ENOX1: variants seen among roughly 807,000 people sequenced by gnomAD.
The protein encoded by ENOX1 is ecto-NOX disulfide-thiol exchanger 1, also known as candidate growth-related and time keeping constitutive hydroquinone (NADH) oxidase.
Under a neutral mutation model 82.5 loss-of-function variants are expected in ENOX1, and 42 were observed. The ratio of observed to expected loss-of-function variants is 0.51; its 90% CI spans 0.40 to 0.66. The LOEUF (loss-of-function observed/expected upper bound fraction) is 0.66. Ranked by LOEUF, ENOX1 falls within the 30% of genes least tolerant of loss-of-function variation. The probability of loss-of-function intolerance (pLI) is 0.00; values close to 1 mark genes in which losing one functional copy is unlikely to be tolerated. For synonymous variants in ENOX1, 271 were observed against 282.2 expected (o/e 0.96, Z 0.40); for missense variants, 608 against 811.6 (o/e 0.75, Z 3.05).
intron 2 of ENOX1, among the ~76,000 whole-genome samples, chr13:43,517,699 G>A (rs1406923033): frequency 1.3e-5 from 2 of 152,120 alleles, no homozygotes; most frequent in African/African-American, 4.8e-5. Context: ...CTGAATGTGT[G>A]TGTCTCCCCA....
rs376767278 is a variant in ENOX1 at position 43,715,719 on chromosome 13, G to A, written c.-284-48175C>T. Among the ~76,000 whole-genome samples the A allele has an allele frequency of 4.6e-5, 7 of 151,824 alleles. 1 individual carries two copies. The South Asian group carries it at 8.3e-4, about 18-fold the overall frequency. On this transcript the variant is annotated intron_variant, in intron 1 of 16. Coordinates refer to ENST00000690772, the MANE Select transcript of ENOX1 (RefSeq NM_001347969.2). ...TTTCTGGCTTCATTTCATTCATTTC[G>A]TCTTCCATCACTGATACCCTTTCTT...
At chr13:43,495,423 T>C (rs922930926) in intron 2 of ENOX1, among the ~76,000 whole-genome samples, 3 of 152,154 alleles carry the variant, frequency 2.0e-5, no homozygotes, top group Non-Finnish European at 2.9e-5. Context: ...GTATACCAGA[T>C]AGCATATGTT....
intron 2 of ENOX1, among the ~76,000 whole-genome samples, chr13:43,618,912 T>G (rs1277606162): frequency 6.6e-6 from 1 of 152,264 alleles, no homozygotes; most frequent in Non-Finnish European, 1.5e-5. Context: ...TATTATTTCT[T>G]TCAGCCATGT....
At chr13:43,605,041 A>C (rs2153733866) in intron 2 of ENOX1, among the ~76,000 whole-genome samples, 1 of 152,300 alleles carries the variant, frequency 6.6e-6, no homozygotes, top group South Asian at 2.1e-4. Context: ...AATCCACAGA[A>C]ATTGTGTATT....
At chr13:43,219,436 G>A (rs752473258) in intron 16 of ENOX1, among the ~76,000 whole-genome samples, 2 of 152,104 alleles carry the variant, frequency 1.3e-5, no homozygotes, top group Non-Finnish European at 2.9e-5. Flanking sequence ...CTGAAGTTTT[G>A]ATTACCCTCT....
At chr13:43,404,369 G>A (rs972937785) in intron 5 of ENOX1, among the ~76,000 whole-genome samples, 2 of 152,112 alleles carry the variant, frequency 1.3e-5, no homozygotes, top group Non-Finnish European at 2.9e-5. Flanking sequence ...CTTTGAAGAG[G>A]ATAAGCTCCT....
At chr13:43,410,957 A>G (rs1269206036) in intron 5 of ENOX1, among the ~76,000 whole-genome samples, 1 of 152,174 alleles carries the variant, frequency 6.6e-6, no homozygotes, top group Admixed American at 6.5e-5. Flanking sequence ...TTACTGCGGG[A>G]GCCCCTGCAC....
At chr13:43,384,892 A>C (rs2052307615) in intron 5 of ENOX1, among the ~76,000 whole-genome samples, 1 of 152,190 alleles carries the variant, frequency 6.6e-6, no homozygotes, top group Non-Finnish European at 1.5e-5. Flanking sequence ...AAGGATGATC[A>C]GTTGTTTCCT....
chr13:43,780,278 GTA>G, intron 1 of ENOX1, among the ~76,000 whole-genome samples: 1 of 149,998 alleles, frequency 6.7e-6, no homozygotes, highest in East Asian at 2.0e-4. Context: ...GAAATACATA[GTA>G]TGATATTATT....
intron 2 of ENOX1, among the ~76,000 whole-genome samples, chr13:43,629,679 T>C (rs2083122377): frequency 6.6e-6 from 1 of 152,264 alleles, no homozygotes; most frequent in African/African-American, 2.4e-5. Context: ...GTTGAACCAA[T>C]TACATTTCTG....
Position 43,412,031 on chromosome 13 carries a change from T to C in ENOX1, c.93A>G (p.Ile31Met), listed in dbSNP as rs2153598958. 2 of 1,614,054 alleles carry C rather than the reference T, an allele frequency of 1.2e-6. No homozygotes were observed. The highest frequency in any genetic ancestry group is 8.5e-7 in the Non-Finnish European group (1 of 1,179,968). Residue 31 changes from isoleucine (I) to methionine (M), a missense_variant, in exon 5 of 17, where the codon ATA becomes ATG. By Grantham distance (10) the Ile-to-Met change is conservative. Transcript: ENST00000690772. ...TGTTGAGCTGGGTCGTGTCTATCGC[T>C]ATACTCCCCAAACCATCGGCTGCTG... is the stretch of plus-strand genomic sequence containing the variant. ...MAAAADGLGS[I>M]AIDTTQLNMS...
chr13:43,776,825 A>G (rs1468118793), intron 1 of ENOX1, among the ~76,000 whole-genome samples: 2 of 134,668 alleles, frequency 1.5e-5, no homozygotes, highest in African/African-American at 5.5e-5. Context: ...CAGCTAGGGA[A>G]AAAAAAAAAA....
chr13:43,214,082 G>A lies in ENOX1; in HGVS notation c.1840C>T (p.Pro614Ser). Residue 614 changes from proline to serine, a missense_variant, in exon 17 of 17, where the codon CCA becomes TCA. Physicochemically the swap from Pro to Ser is moderately conservative, Grantham distance 74. Coordinates refer to ENST00000690772, the MANE Select transcript of ENOX1 (RefSeq NM_001347969.2). ...GTGAATTCCTGTTTGAACATGCGTG[G>A]CAGCCTCATCAAAAGCATTTCTATT... ...NEIEMLLMRL[P>S]RMFKQEFTGV... 1 of 1,613,504 alleles carries A rather than the reference G, an allele frequency of 6.2e-7. No homozygotes were observed. The highest frequency in any genetic ancestry group is 8.5e-7 in the Non-Finnish European group (1 of 1,179,696).
intron 2 of ENOX1, among the ~76,000 whole-genome samples, chr13:43,499,455 A>G (rs192673162): frequency 9.9e-5 from 15 of 152,250 alleles, no homozygotes; most frequent in Admixed American, 7.2e-4. Context: ...AAAATTAATA[A>G]TAAAGGTCAA....
intron 1 of ENOX1, among the ~76,000 whole-genome samples, chr13:43,712,669 C>T (rs1258498759): frequency 5.3e-5 from 8 of 152,042 alleles, no homozygotes; most frequent in South Asian, 2.1e-4. Flanking sequence ...ATTTTATTCT[C>T]TTTGAAGCAA....
At chr13:43,626,056 G>C (rs901467438) in intron 2 of ENOX1, among the ~76,000 whole-genome samples, 9 of 151,698 alleles carry the variant, frequency 5.9e-5, no homozygotes, top group African/African-American at 2.2e-4. Flanking sequence ...ACATAATATT[G>C]GGTGAGTTGT....
At chr13:43,533,228 G>C (rs2078307642) in intron 2 of ENOX1, among the ~76,000 whole-genome samples, 1 of 152,076 alleles carries the variant, frequency 6.6e-6, no homozygotes. Flanking sequence ...TCTTCCCCCA[G>C]GAGGAGGGCT....
intron 2 of ENOX1, among the ~76,000 whole-genome samples, chr13:43,503,359 A>AT (rs1322645687): frequency 4.6e-5 from 7 of 151,820 alleles, no homozygotes; most frequent in Non-Finnish European, 7.4e-5. Context: ...TCCCAGTGGC[A>AT]TTTTTTTACA....
intron 2 of ENOX1, among the ~76,000 whole-genome samples, chr13:43,550,514 A>C (rs2079148272): frequency 6.6e-6 from 1 of 152,168 alleles, no homozygotes; most frequent in Non-Finnish European, 1.5e-5. Flanking sequence ...GCACATGTCA[A>C]GAATAGTTTT....
Sources: allele counts gnomAD v4.1 joint callset (sites outside exome capture counted in the v4.1 genomes callset), GRCh38; gene constraint gnomAD v4.1.1; transcripts MANE v1.5; gene names NCBI Gene and HGNC (gene_info 2026-07-23, HGNC 2026-07-21).